JMY: variants seen among roughly 807,000 people sequenced by gnomAD.
JMY encodes the protein junction mediating and regulatory protein, p53 cofactor.
In JMY, 46 loss-of-function variants were observed where a neutral mutation model predicts 103.3. That is an observed-to-expected ratio of 0.45 (90% CI 0.35 to 0.57). The LOEUF (loss-of-function observed/expected upper bound fraction) is 0.57. JMY is among the 20% of genes least tolerant of loss of function. The pLI, the probability that JMY is intolerant of heterozygous loss-of-function variation, is 0.00. For missense variants in JMY, 1,238 were observed against 1,255.2 expected, an observed-to-expected ratio of 0.99 and a Z score of 0.21; for synonymous variants, 526 against 489.3, an observed-to-expected ratio of 1.07 and a Z score of -0.99.
chr5:79,319,240 G>A (rs1289794632), intron 10 of JMY, among the ~76,000 whole-genome samples: 1 of 152,218 alleles, frequency 6.6e-6, no homozygotes, highest in Non-Finnish European at 1.5e-5. Context: ...ATGGTGCATG[G>A]TGTATACACT....
At chr5:79,312,361 T>C (rs1354036856) in intron 7 of JMY, 42 bp from the exon 8 acceptor site, 2 of 1,179,172 alleles carry the variant, frequency 1.7e-6, no homozygotes, top group East Asian at 2.5e-5. Context: ...ATGATAAAAA[T>C]TGGGACACAG....
intron 4 of JMY, among the ~76,000 whole-genome samples, chr5:79,298,996 C>T (rs1483114246): frequency 6.6e-6 from 1 of 151,926 alleles, no homozygotes; most frequent in Non-Finnish European, 1.5e-5. Context: ...TGTCCCTGTA[C>T]AGCCAGTCAA....
At position 79,320,341 on chromosome 5, in the gene JMY, GTCTT is replaced by G. The variant is rs1554053270; in HGVS notation, c.*4-1263_*4-1260del. On this transcript the variant is annotated intron_variant, in intron 10 of 10. Coordinates refer to ENST00000396137, the MANE Select transcript of JMY (RefSeq NM_152405.5). Reference sequence around the variant, plus strand: ...AGCTTCTAGTTTGTTTCCTGTGAGAGTCTTTTTTTTTTTTTTGAGATGGAGTCTC... The same window carrying G: ...AGCTTCTAGTTTGTTTCCTGTGAGAGTTTTTTTTTTTTGAGATGGAGTCTC... 2.3e-3 allele frequency among the ~76,000 whole-genome samples: 345 copies of G among 150,126 alleles called. 1 individual carries two copies. The highest frequency in any genetic ancestry group is 7.0e-3 in the Middle Eastern group (2 of 284).
chr5:79,295,656 T>G (rs1433673684), intron 4 of JMY, among the ~76,000 whole-genome samples: 3 of 152,218 alleles, frequency 2.0e-5, no homozygotes, highest in African/African-American at 7.2e-5. Context: ...TGCTGTTGAC[T>G]AGGTGATGTG....
chr5:79,274,730 G>A (rs542888662), intron 1 of JMY, among the ~76,000 whole-genome samples: 1 of 152,160 alleles, frequency 6.6e-6, no homozygotes, highest in Admixed American at 6.5e-5. Context: ...TGATGACTGA[G>A]TTTTGTTTTC....
chr5:79,311,514 T>A (rs186148621), intron 7 of JMY, among the ~76,000 whole-genome samples: 383 of 152,280 alleles, frequency 2.5e-3, no homozygotes, highest in African/African-American at 8.7e-3. Flanking sequence ...GTAGTTAATT[T>A]CCATTTGAAA....
chr5:79,314,894 A>G, intron 9 of JMY, 43 bp downstream of exon 9: 2 of 1,486,054 alleles, frequency 1.3e-6, no homozygotes, highest in Non-Finnish European at 1.8e-6. Flanking sequence ...GTATGACATC[A>G]GGCATAGTAA....
intron 4 of JMY, among the ~76,000 whole-genome samples, chr5:79,296,103 A>G (rs1423000311): frequency 4.6e-5 from 7 of 152,218 alleles, no homozygotes; most frequent in Non-Finnish European, 1.5e-5. Context: ...AGATTTTAGA[A>G]AGGTAAGATA....
In JMY at chr5:79,237,277, G is replaced by C. The variant is rs746001570; in HGVS notation, c.627G>C (p.Ser209=). 3.9e-6 allele frequency: 6 copies of C among 1,553,170 alleles called. No individual in the cohort carries two copies. The African/African-American group carries it at 8.2e-5, about 21-fold the overall frequency. Residue 209 remains serine (S), a synonymous_variant, in exon 1 of 11, where the codon TCG becomes TCC. Transcript: ENST00000396137. The part of the protein sequence containing the change: ...VKEDEAPLAL[S]DAEQPPPATE... ...AGGACGAGGCACCTCTGGCGCTCTCGGACGCGGAGCAGCCGCCGCCCGCCA... is the reference window on the plus strand; with the variant it reads ...AGGACGAGGCACCTCTGGCGCTCTCCGACGCGGAGCAGCCGCCGCCCGCCA...
intron 2 of JMY, 143 bp from the exon 3 acceptor site, chr5:79,289,978 A>T: frequency 1.7e-6 from 1 of 596,932 alleles, no homozygotes; most frequent in Non-Finnish European, 2.8e-6. Context: ...TATTATTGTT[A>T]ATTCACTTGT....
intron 1 of JMY, among the ~76,000 whole-genome samples, chr5:79,240,104 C>T (rs574239601): frequency 1.3e-5 from 2 of 151,992 alleles, no homozygotes; most frequent in South Asian, 2.1e-4. Flanking sequence ...CAACCTCTGC[C>T]TCCCGGGTTC....
At chr5:79,318,078 T>G (rs956439139) in intron 10 of JMY, among the ~76,000 whole-genome samples, 2 of 152,132 alleles carry the variant, frequency 1.3e-5, no homozygotes, top group African/African-American at 4.8e-5. Context: ...CTCGGCTCGC[T>G]GCAAGCTCCA....
intron 1 of JMY, among the ~76,000 whole-genome samples, chr5:79,265,629 C>T (rs992603001): frequency 1.4e-4 from 22 of 152,024 alleles, no homozygotes; most frequent in African/African-American, 5.3e-4. Context: ...TCTTTTTCCC[C>T]CACTCTGTAG....
At chr5:79,264,670 A>G (rs189772944) in intron 1 of JMY, among the ~76,000 whole-genome samples, 24 of 152,330 alleles carry the variant, frequency 1.6e-4, no homozygotes, top group African/African-American at 5.3e-4. Flanking sequence ...ACCCTGGCCA[A>G]TGCTGGAGAG....
intron 7 of JMY, among the ~76,000 whole-genome samples, chr5:79,306,665 G>A (rs1453858434): frequency 6.6e-6 from 1 of 152,016 alleles, no homozygotes; most frequent in Non-Finnish European, 1.5e-5. Flanking sequence ...CTCCCCTACC[G>A]TCAACATCTC....
At chr5:79,265,369 G>A (rs1175505129) in intron 1 of JMY, among the ~76,000 whole-genome samples, 1 of 152,164 alleles carries the variant, frequency 6.6e-6, no homozygotes, top group Non-Finnish European at 1.5e-5. Flanking sequence ...TATTAAAGCA[G>A]TGCTTCTCAA....
At chr5:79,281,018 G>T (rs1164441816) in intron 2 of JMY, among the ~76,000 whole-genome samples, 1 of 150,582 alleles carries the variant, frequency 6.6e-6, no homozygotes, top group Admixed American at 6.6e-5. Flanking sequence ...TAGAAAAAAA[G>T]AAAATAATTT....
Position 79,312,419 on chromosome 5 carries a change from A to G in JMY, c.1985A>G (p.His662Arg), listed in dbSNP as rs370635154. 13 of 1,572,074 alleles carry G rather than the reference A, an allele frequency of 8.3e-6. No homozygotes were observed. In the South Asian group the frequency reaches 1.3e-4, roughly 16 times the overall value. ...TTTTACCAGAAGAGAGAAAAATTAC[A>G]TGATGAAGAAGAAAGAAAAAGTGCC... ...HTVQLKREKL[H>R]DEEERKSAWV... is the part of the protein sequence containing the mutation. Residue 662 changes from histidine (H) to arginine (R), a missense_variant, in exon 8 of 11, where the codon CAT (histidine) becomes CGT (arginine). Transcript: ENST00000396137.
At chr5:79,293,356 C>T (rs1334494807) in intron 4 of JMY, among the ~76,000 whole-genome samples, 1 of 151,798 alleles carries the variant, frequency 6.6e-6, no homozygotes, top group South Asian at 2.1e-4. Context: ...GGAGTTGATA[C>T]TGTTCCTTTT....
Sources: allele counts gnomAD v4.1 joint callset (sites outside exome capture counted in the v4.1 genomes callset), GRCh38; gene constraint gnomAD v4.1.1; transcripts MANE v1.5; gene names NCBI Gene and HGNC (gene_info 2026-07-23, HGNC 2026-07-21).